The following EIF4E3 variants were observed in gnomAD, a reference collection of about 807,000 sequenced individuals.
EIF4E3 encodes eukaryotic translation initiation factor 4E family member 3, also known as eukaryotic translation initiation factor 4E type 3.
A neutral mutation model predicts 31.7 loss-of-function variants in EIF4E3; 26 were observed. The ratio of observed to expected loss-of-function variants is 0.82; its 90% CI spans 0.60 to 1.14. EIF4E3 has a LOEUF of 1.14. Ranked by LOEUF, EIF4E3 falls within the 50% of genes most tolerant of loss-of-function variation. The probability of loss-of-function intolerance (pLI) is 0.00; values close to 1 mark genes in which losing one functional copy is unlikely to be tolerated. For missense variants in EIF4E3, 304 were observed against 270.9 expected (o/e 1.12, Z -0.86); for synonymous variants, 128 against 107.7 (o/e 1.19, Z -1.17).
chr3:71,725,459 CGCG>C, upstream of EIF4E3: 10 of 798,272 alleles, frequency 1.3e-5, no homozygotes, highest in Non-Finnish European at 1.5e-5. This position sits in a 1 kb window ranked among gnomAD's most constrained non-coding sequence, Gnocchi z 6.1. Context: ...CCCCGCCCCG[CGCG>C]CCCCGCCCCG....
At chr3:71,741,757 C>T (rs1464401748) in intron 1 of EIF4E3, among the ~76,000 whole-genome samples, 2 of 152,170 alleles carry the variant, frequency 1.3e-5, no homozygotes, top group African/African-American at 4.8e-5. Context: ...CCAAGATAGA[C>T]CATATTCTGG....
intron 1 of EIF4E3, among the ~76,000 whole-genome samples, chr3:71,714,318 A>C (rs931828995): frequency 3.4e-5 from 5 of 146,902 alleles, no homozygotes; most frequent in African/African-American, 5.1e-5. Context: ...AAGAAAGGAA[A>C]GGAAAGAAAG....
chr3:71,690,197 G>A (rs1169611973), intron 5 of EIF4E3, 32 bp from the exon 6 acceptor site: 1 of 1,576,052 alleles, frequency 6.3e-7, no homozygotes, highest in Admixed American at 1.8e-5. Context: ...AAAAAAATGA[G>A]TGATACTTCC....
At chr3:71,717,684 TAGGGACACC>T (rs2049485985) in intron 1 of EIF4E3, among the ~76,000 whole-genome samples, 1 of 152,186 alleles carries the variant, frequency 6.6e-6, no homozygotes, top group Non-Finnish European at 1.5e-5. Context: ...GCAGTGGGGT[TAGGGACACC>T]AGGGCTTGGA....
rs1351646313 is a variant in EIF4E3 at position 71,725,359 on chromosome 3, C to T, written c.9G>A (p.Leu3=). 20 of 974,996 alleles carry T rather than the reference C, an allele frequency of 2.1e-5. No homozygotes were observed. The East Asian group carries it at 9.4e-4, about 46-fold the overall frequency. 60.4% of individuals were successfully genotyped at this position (974,996 alleles called of 1,614,324 possible). The change falls in exon 1 of 7, where the codon CTG becomes CTA. Residue 3 remains leucine, a synonymous_variant. Transcript: ENST00000425534. This position sits in a 1 kb window ranked among gnomAD's most constrained non-coding sequence, Gnocchi z 6.1. Reference sequence around the variant, plus strand: ...CGGCGGGGGGCGCGGCGGCCGGGGGCAGCGCCATTTTCTCCGCCCCGCCTG... The same window carrying T: ...CGGCGGGGGGCGCGGCGGCCGGGGGTAGCGCCATTTTCTCCGCCCCGCCTG... MA[L]PPAAAPPAGA...
At chr3:71,736,942 A>G (rs1242724286) in intron 1 of EIF4E3, among the ~76,000 whole-genome samples, 4 of 152,206 alleles carry the variant, frequency 2.6e-5, no homozygotes. Flanking sequence ...CCTCCACTCA[A>G]TTTTGCTGTG....
At chr3:71,714,703 T>C (rs570845299) in intron 1 of EIF4E3, among the ~76,000 whole-genome samples, 2 of 152,354 alleles carry the variant, frequency 1.3e-5, no homozygotes, top group African/African-American at 2.4e-5. Flanking sequence ...GATTTTTAAA[T>C]GATCTGCCCT....
At chr3:71,716,130 G>A (rs2049460844) in intron 1 of EIF4E3, among the ~76,000 whole-genome samples, 2 of 152,172 alleles carry the variant, frequency 1.3e-5, no homozygotes, top group African/African-American at 4.8e-5. Context: ...AGGTGGAGGT[G>A]CAGGAAAGCG....
At position 71,675,882 on chromosome 3, in the gene EIF4E3, T is replaced by G. The variant is rs1559581832; in HGVS notation, c.*8800A>C. 6.6e-6 allele frequency: 1 copy of G among 152,230 alleles called. No individual in the cohort carries two copies. The highest frequency in any genetic ancestry group is 1.9e-4 in the East Asian group (1 of 5,188). The allele number at this position is 152,230 out of a possible 1,614,324, so 9.4% of individuals were successfully genotyped here. On this transcript the variant is annotated 3_prime_UTR_variant, in exon 7 of 7. Coordinates refer to ENST00000425534, the MANE Select transcript of EIF4E3 (RefSeq NM_001134651.2). ...CCACAGTACCTTAGATGTATCTTGG[T>G]TCTGCAACTGACTACTGGTGTGACC...
At chr3:71,752,553 AG>A (rs1243559344) in intron 1 of EIF4E3, among the ~76,000 whole-genome samples, 2 of 152,270 alleles carry the variant, frequency 1.3e-5, no homozygotes, top group African/African-American at 2.4e-5. Flanking sequence ...TCTGCACAGA[AG>A]AAAAAACAAA....
At chr3:71,714,176 C>T (rs1267926883) in intron 1 of EIF4E3, among the ~76,000 whole-genome samples, 1 of 150,956 alleles carries the variant, frequency 6.6e-6, no homozygotes, top group Non-Finnish European at 1.5e-5. Flanking sequence ...TGCGCCACTG[C>T]ACTCCAGCCT....
chr3:71,734,201 A>G (rs1168461091), intron 1 of EIF4E3, among the ~76,000 whole-genome samples: 1 of 152,224 alleles, frequency 6.6e-6, no homozygotes, highest in Non-Finnish European at 1.5e-5. Context: ...AAAGATGCAC[A>G]TATTGATCAT....
chr3:71,746,073 A>G (rs11927001), intron 1 of EIF4E3, among the ~76,000 whole-genome samples: 21,552 of 152,166 alleles, frequency 0.14, 1,823 homozygotes, highest in South Asian at 0.36. Flanking sequence ...TACTTCTATC[A>G]TCCCAATAGA....
chr3:71,752,679 C>A (rs13069367), intron 1 of EIF4E3, among the ~76,000 whole-genome samples: 53,382 of 152,046 alleles, frequency 0.35, 10,505 homozygotes, highest in East Asian at 0.67. Flanking sequence ...GAGCTTAGAG[C>A]CTAGTTAGAA....
chr3:71,664,333 A>G, the EIF4E3 span, among the ~76,000 whole-genome samples: 5 of 152,238 alleles, frequency 3.3e-5, no homozygotes, highest in African/African-American at 1.2e-4. Flanking sequence ...CAGCTATTGG[A>G]ACTTGATGCT....
chr3:71,669,588 G>T, the EIF4E3 span, among the ~76,000 whole-genome samples: 1 of 151,900 alleles, frequency 6.6e-6, no homozygotes, highest in South Asian at 2.1e-4. Context: ...TGTTAGAAGG[G>T]GGGTATGTTA....
downstream of EIF4E3, among the ~76,000 whole-genome samples, chr3:71,673,368 T>C (rs1299094377): frequency 2.0e-5 from 3 of 152,192 alleles, no homozygotes; most frequent in African/African-American, 4.8e-5. Context: ...CAGTGAATTA[T>C]TGGCCAGGAG....
chr3:71,745,292 G>T (rs1010018862), intron 1 of EIF4E3, among the ~76,000 whole-genome samples: 1 of 152,166 alleles, frequency 6.6e-6, no homozygotes, highest in Admixed American at 6.5e-5. Flanking sequence ...TGTATATAGA[G>T]GGTGGGCATT....
chr3:71,664,596 T>C, the EIF4E3 span, among the ~76,000 whole-genome samples: 2 of 152,120 alleles, frequency 1.3e-5, no homozygotes, highest in Non-Finnish European at 2.9e-5. Context: ...ATTCTGTCTC[T>C]TTTGGACTTA....
Sources: allele counts gnomAD v4.1 joint callset (sites outside exome capture counted in the v4.1 genomes callset), GRCh38; gene constraint gnomAD v4.1.1; non-coding constraint Gnocchi (gnomAD v3.1); transcripts MANE v1.5; gene names NCBI Gene and HGNC (gene_info 2026-07-23, HGNC 2026-07-21).